The following KDELR3 variants were observed in gnomAD, a reference collection of about 807,000 sequenced individuals.
The protein encoded by KDELR3 is ER lumen protein-retaining receptor 3.
KDELR3 carries 26 observed loss-of-function variants against 22.7 expected under a neutral mutation model. That is an observed-to-expected ratio of 1.15 (90% CI 0.84 to 1.59). KDELR3 has a LOEUF of 1.59. Among genes scored for constraint, KDELR3 ranks in the 40% most tolerant of loss-of-function variants. KDELR3 has a pLI of 0.00. For missense variants in KDELR3, 289 were observed against 251.1 expected (o/e 1.15, Z -1.02); for synonymous variants, 120 against 98.2 (o/e 1.22, Z -1.31).
intron 2 of KDELR3, among the ~76,000 whole-genome samples, chr22:38,474,955 C>CT (rs1351607242): frequency 2.0e-5 from 3 of 151,734 alleles, no homozygotes; most frequent in Non-Finnish European, 2.9e-5. Flanking sequence ...TGGCTCATGC[C>CT]TGCAGTCCCA....
chr22:38,477,816 C>A (rs926948230), intron 2 of KDELR3, among the ~76,000 whole-genome samples: 1 of 152,178 alleles, frequency 6.6e-6, no homozygotes, highest in Non-Finnish European at 1.5e-5. Flanking sequence ...CATTTCTCAG[C>A]CCAAGTCAGC....
At chr22:38,478,778 G>A (rs149149029) in intron 2 of KDELR3, among the ~76,000 whole-genome samples, 72 of 150,536 alleles carry the variant, frequency 4.8e-4, no homozygotes, top group Non-Finnish European at 9.5e-4. Flanking sequence ...AGGTAGCTGG[G>A]ATTACAGGCG....
chr22:38,476,522 GTCT>G (rs554200342), intron 2 of KDELR3, among the ~76,000 whole-genome samples: 94 of 150,796 alleles, frequency 6.2e-4, no homozygotes, highest in Non-Finnish European at 1.1e-3. Flanking sequence ...CCGGCCAGGA[GTCT>G]TCTTTTTTGT....
intron 1 of KDELR3, among the ~76,000 whole-genome samples, chr22:38,471,126 A>G (rs551477539): frequency 6.6e-6 from 1 of 152,254 alleles, no homozygotes; most frequent in South Asian, 2.1e-4. Flanking sequence ...CCTGGGCAAC[A>G]AGAGCAGAAC....
At chr22:38,478,748 T>C (rs371604725) in intron 2 of KDELR3, among the ~76,000 whole-genome samples, 49 of 143,486 alleles carry the variant, frequency 3.4e-4, no homozygotes, top group African/African-American at 1.2e-3. Context: ...GTTCAAGCGA[T>C]TCTCCTGCCT....
chr22:38,478,692 G>A (rs1434837770), intron 2 of KDELR3, among the ~76,000 whole-genome samples: 1 of 109,686 alleles, frequency 9.1e-6, no homozygotes, highest in East Asian at 3.2e-4. Context: ...CCCCAGGCTG[G>A]AGTACAATGG....
chr22:38,476,664 A>C (rs1425791709), intron 2 of KDELR3, among the ~76,000 whole-genome samples: 1 of 151,788 alleles, frequency 6.6e-6, no homozygotes, highest in Non-Finnish European at 1.5e-5. Context: ...AGCTGGGATT[A>C]CAGGCACCCA....
At chr22:38,474,663 GC>G in intron 2 of KDELR3, 40 bp downstream of exon 2, 1 of 1,527,136 alleles carries the variant, frequency 6.5e-7, no homozygotes, top group Non-Finnish European at 9.1e-7. Context: ...AAGCCACCAA[GC>G]CCCCACAAAC....
At chr22:38,482,229 G>T (rs1262467822) in intron 4 of KDELR3, among the ~76,000 whole-genome samples, 1 of 152,164 alleles carries the variant, frequency 6.6e-6, no homozygotes, top group Non-Finnish European at 1.5e-5. Flanking sequence ...TAGGACTTGA[G>T]AAGGACTGCT....
chr22:38,476,506 T>C (rs572718193), intron 2 of KDELR3, among the ~76,000 whole-genome samples: 11 of 149,588 alleles, frequency 7.4e-5, no homozygotes, highest in South Asian at 4.2e-4. Context: ...GTGTGAGCCA[T>C]TGCGCCCGGC....
chr22:38,480,328 G>A (rs1039262982), intron 3 of KDELR3, among the ~76,000 whole-genome samples: 9 of 151,808 alleles, frequency 5.9e-5, no homozygotes, highest in African/African-American at 2.2e-4. Context: ...ATTTTTAGTT[G>A]AGACGGGGTT....
intron 1 of KDELR3, among the ~76,000 whole-genome samples, chr22:38,469,308 G>A (rs1397337992): frequency 6.6e-6 from 1 of 152,206 alleles, no homozygotes; most frequent in Non-Finnish European, 1.5e-5. Flanking sequence ...AGGGAGGCTG[G>A]TCCAGATGTG....
At chr22:38,476,755 A>T (rs1462503385) in intron 2 of KDELR3, among the ~76,000 whole-genome samples, 1 of 150,208 alleles carries the variant, frequency 6.7e-6, no homozygotes, top group African/African-American at 2.5e-5. Flanking sequence ...CAAACTCCTG[A>T]CCTCGTGATC....
chr22:38,481,160 TG>T, intron 3 of KDELR3, 51 bp from the exon 4 acceptor site: 1 of 1,472,064 alleles, frequency 6.8e-7, no homozygotes, highest in Non-Finnish European at 9.2e-7. Flanking sequence ...TCTTTTAAGA[TG>T]GGCCTCTTCT....
At chr22:38,471,973 GA>G (rs895504954) in intron 1 of KDELR3, among the ~76,000 whole-genome samples, 20 of 147,624 alleles carry the variant, frequency 1.4e-4, no homozygotes, top group African/African-American at 4.5e-4. Flanking sequence ...CACAAAAAAA[GA>G]AAAAAAAATG....
At chr22:38,469,736 C>T (rs2089513007) in intron 1 of KDELR3, among the ~76,000 whole-genome samples, 1 of 152,252 alleles carries the variant, frequency 6.6e-6, no homozygotes, top group African/African-American at 2.4e-5. Context: ...TACCTGGCCG[C>T]TGTCTGCCAG....
intron 3 of KDELR3, among the ~76,000 whole-genome samples, chr22:38,480,006 G>C (rs1028367818): frequency 5.9e-5 from 9 of 152,176 alleles, no homozygotes; most frequent in African/African-American, 1.9e-4. Flanking sequence ...CTGTTCAACC[G>C]ATTAGCAGAT....
rs146299958 is a variant in KDELR3 at position 38,482,124 on chromosome 22, G to A, written c.605-372G>A. Among the ~76,000 whole-genome samples, 841 of 152,246 alleles carry A rather than the reference G, an allele frequency of 5.5e-3. 8 individuals are homozygous for A. The highest frequency in any genetic ancestry group is 0.016 in the South Asian group (79 of 4,822). ...ACCCAATCCACTAGCTGCTATGTAG[G>A]GTAGAAAGCAGTCCAAGTACAGTGA... is the stretch of plus-strand genomic sequence containing the variant. On this transcript the variant is annotated intron_variant, in intron 4 of 4. Coordinates refer to ENST00000216014, the MANE Select transcript of KDELR3 (RefSeq NM_006855.4).
At chr22:38,480,563 C>T (rs190836237) in intron 3 of KDELR3, among the ~76,000 whole-genome samples, 132 of 151,716 alleles carry the variant, frequency 8.7e-4, no homozygotes, top group African/African-American at 3.0e-3. Flanking sequence ...CTGGCTAACA[C>T]AGTGAAACCC....
Sources: allele counts gnomAD v4.1 joint callset (sites outside exome capture counted in the v4.1 genomes callset), GRCh38; gene constraint gnomAD v4.1.1; transcripts MANE v1.5; gene names NCBI Gene and HGNC (gene_info 2026-07-23, HGNC 2026-07-21).